The following FOXK1 variants were observed in gnomAD, a reference collection of about 807,000 sequenced individuals.
The protein encoded by FOXK1 is forkhead box K1.
Under a neutral mutation model 51.9 loss-of-function variants are expected in FOXK1, and 19 were observed. That is an observed-to-expected ratio of 0.37 (90% CI 0.26 to 0.54). The LOEUF (loss-of-function observed/expected upper bound fraction) is 0.54. Among genes scored for constraint, FOXK1 ranks in the 20% least tolerant of loss-of-function variants. The probability of loss-of-function intolerance (pLI) is 0.87; values close to 1 mark genes in which losing one functional copy is unlikely to be tolerated. For synonymous variants in FOXK1, 537 were observed against 482.6 expected, an observed-to-expected ratio of 1.11 and a Z score of -1.48; for missense variants, 870 against 1,032.7, an observed-to-expected ratio of 0.84 and a Z score of 2.16.
chr7:4,751,914 G>A (rs1367155131), intron 2 of FOXK1, among the ~76,000 whole-genome samples: 2 of 151,974 alleles, frequency 1.3e-5, no homozygotes, highest in Non-Finnish European at 2.9e-5. Context: ...ATCATTCTCT[G>A]GGGAATGACA....
chr7:4,706,014 G>GTATGTA (rs1562373166), intron 1 of FOXK1, among the ~76,000 whole-genome samples: 8 of 92,874 alleles, frequency 8.6e-5, no homozygotes, highest in African/African-American at 7.6e-4. Flanking sequence ...GTATATATAC[G>GTATGTA]TATATATACG....
At position 4,723,248 on chromosome 7, in the gene FOXK1, G is replaced by A. The variant is rs769235359; in HGVS notation, c.561-17590G>A. ...GTTGCACGTCCCCCGGCTCAGCACC[G>A]AGCAAGTGGGCCTGGACCCTGAAGG... On this transcript the variant is annotated intron_variant, in intron 1 of 8. Transcript: ENST00000328914. This position sits in a 1 kb window ranked among gnomAD's most constrained non-coding sequence, Gnocchi z 4.7. Among the ~76,000 whole-genome samples, 3 of 151,996 alleles carry A rather than the reference G, an allele frequency of 2.0e-5. No individual in the cohort carries two copies. The highest frequency in any genetic ancestry group is 4.8e-5 in the African/African-American group (2 of 41,382).
At chr7:4,728,117 G>A (rs1207264938) in intron 1 of FOXK1, among the ~76,000 whole-genome samples, 3 of 152,170 alleles carry the variant, frequency 2.0e-5, no homozygotes, top group African/African-American at 7.2e-5. Context: ...GCCGGGACCG[G>A]CTCACAAGCT....
chr7:4,706,832 G>A (rs1562373540), intron 1 of FOXK1, among the ~76,000 whole-genome samples: 2 of 152,080 alleles, frequency 1.3e-5, no homozygotes, highest in South Asian at 2.1e-4. Flanking sequence ...TTCCTTGGCC[G>A]CCCGGATGCC....
chr7:4,692,202 T>C (rs901258009), intron 1 of FOXK1, among the ~76,000 whole-genome samples: 6 of 152,318 alleles, frequency 3.9e-5, no homozygotes, highest in African/African-American at 1.4e-4. Flanking sequence ...ATGTCTGGCT[T>C]AATAGAAGAC....
At chr7:4,685,561 C>T (rs950311048) in intron 1 of FOXK1, among the ~76,000 whole-genome samples, 2 of 147,902 alleles carry the variant, frequency 1.4e-5, no homozygotes, top group African/African-American at 2.5e-5. Flanking sequence ...AGAAAACTTA[C>T]ACCTAAGTAG....
In FOXK1 at chr7:4,734,305, T is replaced by C. The variant is rs1780522531; in HGVS notation, c.561-6533T>C. Reference sequence around the variant, plus strand: ...ACAGATCTCATCCAGCCTCTTCCTTTTGATGTTTTCTGAGTCACTTTAAAC... The same window carrying C: ...ACAGATCTCATCCAGCCTCTTCCTTCTGATGTTTTCTGAGTCACTTTAAAC... On this transcript the variant is annotated intron_variant, in intron 1 of 8. Coordinates refer to ENST00000328914, the MANE Select transcript of FOXK1 (RefSeq NM_001037165.2). This position sits in a 1 kb window ranked among gnomAD's most constrained non-coding sequence, Gnocchi z 5.2. Among the ~76,000 whole-genome samples, 1 of 152,176 alleles carries C rather than the reference T, an allele frequency of 6.6e-6. No individual in the cohort carries two copies. Among genetic ancestry groups the C allele is most frequent in the Admixed American group, 6.5e-5 (1 of 15,280 alleles).
At position 4,698,379 on chromosome 7, in the gene FOXK1, A is replaced by AT. The variant is rs530993043; in HGVS notation, c.560+15521dup. Among the ~76,000 whole-genome samples, 509 of 149,428 alleles carry AT rather than the reference A, an allele frequency of 3.4e-3. 1 individual carries two copies. The highest frequency in any genetic ancestry group is 0.012 in the African/African-American group (484 of 40,740). Reference sequence around the variant, plus strand: ...CAACATGCATTGCCTAAGAATAAGGATTTTTTTTTTCTCGCTTCACCATAT... The same window carrying AT: ...CAACATGCATTGCCTAAGAATAAGGATTTTTTTTTTTCTCGCTTCACCATAT... On this transcript the variant is annotated intron_variant, in intron 1 of 8. Transcript: ENST00000328914.
chr7:4,738,106 G>A (rs1294601334), intron 1 of FOXK1, among the ~76,000 whole-genome samples: 1 of 138,118 alleles, frequency 7.2e-6, no homozygotes, highest in Non-Finnish European at 1.6e-5. Context: ...TGGGCAATAA[G>A]AGCCAAACTC....
chr7:4,727,717 T>G (rs1393130993), intron 1 of FOXK1, among the ~76,000 whole-genome samples: 2 of 152,232 alleles, frequency 1.3e-5, no homozygotes, highest in Non-Finnish European at 1.5e-5. Flanking sequence ...CTGTCCCACC[T>G]TCCCGTCACT....
rs1340596005 is a variant in FOXK1 at position 4,753,091 on chromosome 7, A to C, written c.747-1368A>C. On this transcript the variant is annotated intron_variant, in intron 2 of 8. Coordinates refer to ENST00000328914, the MANE Select transcript of FOXK1 (RefSeq NM_001037165.2). The surrounding 1 kb of genome is among the most constrained non-coding windows in gnomAD (Gnocchi z 4.9). ...CTGCCATATTTGGGGAGTCCGTTGT[A>C]AGAGAGAATGGGAATTCCAGATCAG... is the stretch of plus-strand genomic sequence containing the variant. 2.0e-5 allele frequency among the ~76,000 whole-genome samples: 3 copies of C among 152,182 alleles called. No homozygotes were observed. The highest frequency in any genetic ancestry group is 7.2e-5 in the African/African-American group (3 of 41,442).
At chr7:4,691,739 G>A (rs971356681) in intron 1 of FOXK1, among the ~76,000 whole-genome samples, 2 of 152,174 alleles carry the variant, frequency 1.3e-5, no homozygotes, top group Admixed American at 6.5e-5. Context: ...TGTTTCCTCA[G>A]AGGACGCTGA....
rs764703700 is a variant in FOXK1, at chr7:4,735,705, C to A, written c.561-5133C>A. On this transcript the variant is annotated intron_variant, in intron 1 of 8. Coordinates refer to ENST00000328914, the MANE Select transcript of FOXK1 (RefSeq NM_001037165.2). The surrounding 1 kb of genome is among the most constrained non-coding windows in gnomAD (Gnocchi z 4.7). ...TAGCGGAATCTCCGCCGGTCAAGAC[C>A]GGCAGTGTGTGTGGCTGGGTTTAAA... Among the ~76,000 whole-genome samples, 6 of 152,190 alleles carry A rather than the reference C, an allele frequency of 3.9e-5. No individual in the cohort carries two copies. The highest frequency in any genetic ancestry group is 1.2e-4 in the African/African-American group (5 of 41,446).
chr7:4,732,015 T>C (rs4724036), intron 1 of FOXK1, among the ~76,000 whole-genome samples: 6,887 of 152,306 alleles, frequency 0.045, 212 homozygotes, highest in Middle Eastern at 0.092. Flanking sequence ...CCAGGGCATC[T>C]GAGCAGCCCA....
rs934538445 is a variant in FOXK1 at position 4,722,163 on chromosome 7, G to A, written c.561-18675G>A. ...ATCCTGCCCTGATTCAGAAGATGGC[G>A]GGGCAGGAGGTGTCTGTGTCTCAGC... On this transcript the variant is annotated intron_variant, in intron 1 of 8. Coordinates refer to ENST00000328914, the MANE Select transcript of FOXK1 (RefSeq NM_001037165.2). This position sits in a 1 kb window ranked among gnomAD's most constrained non-coding sequence, Gnocchi z 5.1. 2.6e-5 allele frequency among the ~76,000 whole-genome samples: 4 copies of A among 152,158 alleles called. No homozygotes were observed. Among genetic ancestry groups the A allele is most frequent in the Admixed American group, 1.3e-4 (2 of 15,276 alleles).
At position 4,703,659 on chromosome 7, in the gene FOXK1, C is replaced by G. The variant is rs998713148; in HGVS notation, c.560+20791C>G. The stretch of plus-strand genomic sequence containing the variant: ...AGCTTGAATATTAAAACCAAATGAT[C>G]CCGGGTAGAGCTGCAGCTGGGGACT... On this transcript the variant is annotated intron_variant, in intron 1 of 8. Coordinates refer to ENST00000328914, the MANE Select transcript of FOXK1 (RefSeq NM_001037165.2). This position sits in a 1 kb window ranked among gnomAD's most constrained non-coding sequence, Gnocchi z 5.6. Among the ~76,000 whole-genome samples the G allele has an allele frequency of 6.6e-6, 1 of 152,126 alleles. No homozygotes were observed. The highest frequency in any genetic ancestry group is 2.4e-5 in the African/African-American group (1 of 41,420).
At position 4,683,205 on chromosome 7, in the gene FOXK1, G is replaced by A. The variant is rs1779775749; in HGVS notation, c.560+337G>A. The stretch of plus-strand genomic sequence containing the variant: ...CCTTGCGGCTCCTGGGGTCACCCCT[G>A]ACCTCATCTCCCACCGGCCTGGGCT... On this transcript the variant is annotated intron_variant, in intron 1 of 8. Transcript: ENST00000328914. This position sits in a 1 kb window ranked among gnomAD's most constrained non-coding sequence, Gnocchi z 4.5. Among the ~76,000 whole-genome samples, 1 of 150,476 alleles carries A rather than the reference G, an allele frequency of 6.6e-6. No individual in the cohort carries two copies.
chr7:4,752,282 C>G (rs555641078), intron 2 of FOXK1, among the ~76,000 whole-genome samples: 1 of 152,282 alleles, frequency 6.6e-6, no homozygotes, highest in South Asian at 2.1e-4. Context: ...GTAGCTGAGA[C>G]TACAGGTGCA....
rs1179778477 is a variant in FOXK1 at position 4,730,275 on chromosome 7, G to A, written c.561-10563G>A. On this transcript the variant is annotated intron_variant, in intron 1 of 8. Transcript: ENST00000328914. The surrounding 1 kb of genome is among the most constrained non-coding windows in gnomAD (Gnocchi z 4.7). Reference sequence around the variant, plus strand: ...CGCACACCCCCACATTGTTGTCACTGCGAGAACGGAGGGCCCAGAGCCGAG... The same window carrying A: ...CGCACACCCCCACATTGTTGTCACTACGAGAACGGAGGGCCCAGAGCCGAG... Among the ~76,000 whole-genome samples the A allele has an allele frequency of 6.6e-6, 1 of 152,222 alleles. No homozygotes were observed. The highest frequency in any genetic ancestry group is 1.5e-5 in the Non-Finnish European group (1 of 68,034).
Sources: gnomAD v4.1 joint callset for allele counts (sites outside exome capture counted in the v4.1 genomes callset) on GRCh38, gnomAD v4.1.1 for gene constraint, Gnocchi (gnomAD v3.1) non-coding constraint, MANE v1.5 for transcripts, NCBI Gene and HGNC (gene_info 2026-07-23, HGNC 2026-07-21) for gene names.